EPHA6: variants seen among roughly 807,000 people sequenced by gnomAD.
EPHA6 encodes the protein EPH receptor A6, also known as ephrin type-A receptor 6.
Under a neutral mutation model 112.0 loss-of-function variants are expected in EPHA6, and 50 were observed. The observed-to-expected ratio is 0.45, with a 90% CI of 0.36 to 0.56. The LOEUF is 0.56. Among genes scored for constraint, EPHA6 ranks in the 20% least tolerant of loss-of-function variants. The probability of loss-of-function intolerance (pLI) is 0.00; values close to 1 mark genes in which losing one functional copy is unlikely to be tolerated. For missense variants in EPHA6, 1,280 were observed against 1,417.4 expected (o/e 0.90, Z 1.56); for synonymous variants, 529 against 490.7 (o/e 1.08, Z -1.03).
chr3:96,970,589 C>T (rs1035992756), intron 2 of EPHA6, among the ~76,000 whole-genome samples: 1 of 152,032 alleles, frequency 6.6e-6, no homozygotes, highest in Non-Finnish European at 1.5e-5. Flanking sequence ...ATAATTTAAG[C>T]TTTCTTATTA....
At chr3:97,380,461 T>C (rs778377792) in intron 5 of EPHA6, among the ~76,000 whole-genome samples, 18 of 152,256 alleles carry the variant, frequency 1.2e-4, no homozygotes, top group Middle Eastern at 6.8e-3. Flanking sequence ...ACAGAATGCC[T>C]AACTCATTAC....
At chr3:97,674,000 A>G (rs952243589) in intron 14 of EPHA6, among the ~76,000 whole-genome samples, 20 of 152,268 alleles carry the variant, frequency 1.3e-4, no homozygotes, top group African/African-American at 4.3e-4. Context: ...GAGGAAAAAG[A>G]TGCATTTTGT....
intron 11 of EPHA6, among the ~76,000 whole-genome samples, chr3:97,570,191 A>G (rs1353455539): frequency 2.0e-5 from 3 of 152,234 alleles, no homozygotes; most frequent in Non-Finnish European, 4.4e-5. Flanking sequence ...AAATATTCCA[A>G]ATATGAGGGA....
At chr3:97,120,197 C>A (rs1248016025) in intron 3 of EPHA6, among the ~76,000 whole-genome samples, 1 of 151,888 alleles carries the variant, frequency 6.6e-6, no homozygotes, top group Non-Finnish European at 1.5e-5. Context: ...TGCTTCACTT[C>A]TTTTTAATTT....
At chr3:97,198,625 A>G (rs1410586649) in intron 3 of EPHA6, among the ~76,000 whole-genome samples, 3 of 152,116 alleles carry the variant, frequency 2.0e-5, no homozygotes, top group Non-Finnish European at 4.4e-5. Context: ...TGAGATTTTC[A>G]TTTTTCTTTG....
At chr3:97,741,010 A>G (rs2035483872) in intron 16 of EPHA6, among the ~76,000 whole-genome samples, 1 of 152,122 alleles carries the variant, frequency 6.6e-6, no homozygotes. Flanking sequence ...AAGACAGAAT[A>G]TGAAAGATGG....
At chr3:97,321,450 T>C (rs553243951) in intron 5 of EPHA6, among the ~76,000 whole-genome samples, 1 of 152,152 alleles carries the variant, frequency 6.6e-6, no homozygotes, top group South Asian at 2.1e-4. Flanking sequence ...AATTACTGGA[T>C]ATTTTCAGAA....
chr3:96,913,213 C>CA (rs1374811266), intron 2 of EPHA6, among the ~76,000 whole-genome samples: 53 of 111,800 alleles, frequency 4.7e-4, no homozygotes, highest in African/African-American at 1.8e-3. Context: ...CACACACACA[C>CA]CACACACACG....
At chr3:97,033,234 T>G (rs915022619) in intron 3 of EPHA6, among the ~76,000 whole-genome samples, 1 of 151,954 alleles carries the variant, frequency 6.6e-6, no homozygotes. Context: ...TTATTGAAAT[T>G]GCATTTTTAA....
rs1228572850 is a variant in EPHA6, at chr3:97,756,731, GGAGCGAGCAGGACACAATATCT to G, written c.*8035_*8056del. Among the ~76,000 whole-genome samples, 5 of 151,738 alleles carry G rather than the reference GGAGCGAGCAGGACACAATATCT, an allele frequency of 3.3e-5. No individual in the cohort carries two copies. The highest frequency in any genetic ancestry group is 1.2e-4 in the African/African-American group (5 of 41,392). On this transcript the variant is annotated 3_prime_UTR_variant, in exon 18 of 18. Coordinates refer to ENST00000389672, the MANE Select transcript of EPHA6 (RefSeq NM_001080448.3). ...AAAATGTGAAATGGGAGCATTTTGG[GGAGCGAGCAGGACACAATATCT>G]GAGCAGTGTTAACAAATATGAACAT...
At chr3:97,051,547 A>T (rs988118302) in intron 3 of EPHA6, among the ~76,000 whole-genome samples, 6 of 152,162 alleles carry the variant, frequency 3.9e-5, no homozygotes, top group Non-Finnish European at 8.8e-5. Context: ...CTTTTTAAAA[A>T]TATCTCTTGA....
At chr3:97,589,111 T>G (rs564294807) in intron 11 of EPHA6, among the ~76,000 whole-genome samples, 157 of 152,128 alleles carry the variant, frequency 1.0e-3, no homozygotes, top group Non-Finnish European at 1.7e-3. Flanking sequence ...CACAAGTTCC[T>G]AAAGTTTCTT....
chr3:97,190,982 A>G (rs1278720384), intron 3 of EPHA6, among the ~76,000 whole-genome samples: 10 of 152,004 alleles, frequency 6.6e-5, no homozygotes, highest in African/African-American at 2.4e-4. Flanking sequence ...TCTTGAATGT[A>G]TTTTTCTTGT....
chr3:97,335,783 G>C (rs1670640290), intron 5 of EPHA6, among the ~76,000 whole-genome samples: 2 of 152,120 alleles, frequency 1.3e-5, no homozygotes, highest in Admixed American at 1.3e-4. Context: ...CAGGAAGCTA[G>C]AATTTTATTA....
chr3:97,483,937 G>T lies in EPHA6; in HGVS notation c.2078G>T (p.Arg693Leu), dbSNP rs755277174. The T allele has an allele frequency of 6.3e-7, 1 of 1,588,966 alleles. No homozygotes were observed. The highest frequency in any genetic ancestry group is 8.6e-7 in the Non-Finnish European group (1 of 1,168,838). The change falls in exon 10 of 18, where the codon CGC (arginine) becomes CTC (leucine). Residue 693 changes from arginine to leucine, a missense_variant. This residue lies in a region of EPHA6 where 878 missense variants were observed against 999.7 expected (regional missense o/e 0.88). Transcript: ENST00000389672. ...RRNHLQNGHL[R>L]FPGIKTYIDP... ...CGTTTTGTTATTGTTGTTGCAGTGC[G>T]CTTCCCGGGAATTAAAACTTACATT...
chr3:96,864,404 T>C (rs1576176731), intron 1 of EPHA6, among the ~76,000 whole-genome samples: 1 of 152,184 alleles, frequency 6.6e-6, no homozygotes, highest in South Asian at 2.1e-4. Context: ...GTGACATAGA[T>C]GGATCTCAAA....
intron 6 of EPHA6, among the ~76,000 whole-genome samples, chr3:97,436,313 A>G (rs2089831079): frequency 6.6e-6 from 1 of 152,132 alleles, no homozygotes; most frequent in South Asian, 2.1e-4. Flanking sequence ...AGCTTTGTAA[A>G]TCAATCTTAA....
At chr3:97,720,681 T>C (rs981501608) in intron 15 of EPHA6, among the ~76,000 whole-genome samples, 1 of 152,230 alleles carries the variant, frequency 6.6e-6, no homozygotes, top group African/African-American at 2.4e-5. Flanking sequence ...CTGACTGTGT[T>C]TGTGCAATAG....
chr3:97,503,712 C>T lies in EPHA6; in HGVS notation c.2200+19653C>T, dbSNP rs111436303. 3.2e-3 allele frequency among the ~76,000 whole-genome samples: 487 copies of T among 152,270 alleles called. 3 individuals carry two copies. Among genetic ancestry groups the T allele is most frequent in the African/African-American group, 0.011 (471 of 41,564 alleles). On this transcript the variant is annotated intron_variant, in intron 10 of 17. Transcript: ENST00000389672. ...GCCATTCCCCTATATTAGAGTTTTA[C>T]AGTCTGATGGCATTAATGACTGTCC...
Sources: gnomAD v4.1 joint callset for allele counts (sites outside exome capture counted in the v4.1 genomes callset) on GRCh38, gnomAD v4.1.1 for gene constraint, gnomAD v4.1.1 regional missense constraint, MANE v1.5 for transcripts, NCBI Gene and HGNC (gene_info 2026-07-23, HGNC 2026-07-21) for gene names.